CREB5: variants seen among roughly 807,000 people sequenced by gnomAD.
The protein encoded by CREB5 is cAMP responsive element binding protein 5.
In CREB5, 19 loss-of-function variants were observed where a neutral mutation model predicts 57.1. The ratio of observed to expected loss-of-function variants is 0.33; its 90% CI spans 0.23 to 0.49. The LOEUF is 0.49. Among genes scored for constraint, CREB5 ranks in the 20% least tolerant of loss-of-function variants. CREB5 has a pLI of 0.99. For synonymous variants in CREB5, 238 were observed against 238.3 expected (o/e 1.00, Z 0.01); for missense variants, 579 against 671.6 (o/e 0.86, Z 1.52).
intron 5 of CREB5, among the ~76,000 whole-genome samples, chr7:28,667,735 C>T (rs1181172079): frequency 6.6e-6 from 1 of 152,108 alleles, no homozygotes; most frequent in Non-Finnish European, 1.5e-5. Context: ...ATTTTTGAAG[C>T]CGAATCCAGC....
In CREB5 at chr7:28,822,157, A is replaced by C. The variant is rs1809807739; in HGVS notation, c.*2878A>C. 1 of 152,182 alleles carries C rather than the reference A, an allele frequency of 6.6e-6. No homozygotes were observed. The highest frequency in any genetic ancestry group is 2.1e-4 in the South Asian group (1 of 4,832). 9.4% of individuals were successfully genotyped at this position (152,182 alleles called of 1,614,324 possible). On this transcript the variant is annotated 3_prime_UTR_variant, in exon 11 of 11. Transcript: ENST00000357727. ...CATTAGCAAACCGGCCTCAACATAT[A>C]ATTAGAATAAACTGTCTTCTTGTTC...
At chr7:28,707,188 C>T (rs1802154122) in intron 5 of CREB5, among the ~76,000 whole-genome samples, 1 of 152,056 alleles carries the variant, frequency 6.6e-6, no homozygotes, top group African/African-American at 2.4e-5. Flanking sequence ...TGCTTCACCC[C>T]CAAATTTAGA....
intron 4 of CREB5, among the ~76,000 whole-genome samples, chr7:28,560,923 CGCGTGCGT>C (rs1293937384): frequency 5.0e-5 from 1 of 19,820 alleles, no homozygotes; most frequent in African/African-American, 1.8e-4. Context: ...TGCGTGTGTG[CGCGTGCGT>C]GTGTGCGTGC....
chr7:28,379,967 G>A (rs1233283703), intron 1 of CREB5, among the ~76,000 whole-genome samples: 4 of 152,174 alleles, frequency 2.6e-5, no homozygotes, highest in African/African-American at 9.7e-5. Context: ...ATAGCTCACT[G>A]CAGCCTCAAA....
chr7:28,813,023 C>T (rs1319381459), intron 9 of CREB5, among the ~76,000 whole-genome samples: 2 of 152,224 alleles, frequency 1.3e-5, no homozygotes, highest in Non-Finnish European at 1.5e-5. Flanking sequence ...TTCCTAGTCT[C>T]ACAACACATC....
chr7:28,481,336 G>A (rs1791323807), intron 1 of CREB5, among the ~76,000 whole-genome samples: 1 of 152,186 alleles, frequency 6.6e-6, no homozygotes, highest in East Asian at 1.9e-4. Flanking sequence ...AAATATCTTT[G>A]AAGAACAGGG....
rs1562798550 is a variant in CREB5 at position 28,561,013 on chromosome 7, T to TGCGC, written c.292-9351_292-9350insCGCG. On this transcript the variant is annotated intron_variant, in intron 4 of 10. Transcript: ENST00000357727. ...GTGTGTGCCTGCGTGTGCGTGTGTGTGTGCGTGTGTGCGTGTGTGTGTGTG... is the reference window on the plus strand; with the variant it reads ...GTGTGTGCCTGCGTGTGCGTGTGTGTGCGCGTGCGTGTGTGCGTGTGTGTGTGTG... 4.9e-4 allele frequency among the ~76,000 whole-genome samples: 20 copies of TGCGC among 40,568 alleles called. 1 individual carries two copies. The highest frequency in any genetic ancestry group is 2.2e-3 in the African/African-American group (17 of 7,752). 26.6% of individuals were successfully genotyped at this position (40,568 alleles called of 152,430 possible). A position where few individuals can be genotyped will look rare whatever the true frequency, so the allele number is the denominator to read the frequency against.
At chr7:28,811,537 G>A (rs1462695278) in intron 9 of CREB5, among the ~76,000 whole-genome samples, 1 of 152,022 alleles carries the variant, frequency 6.6e-6, no homozygotes, top group African/African-American at 2.4e-5. Context: ...GCCATGCCTG[G>A]CTAATTTTTT....
At chr7:28,365,150 G>A (rs562295614) in intron 1 of CREB5, among the ~76,000 whole-genome samples, 3 of 152,122 alleles carry the variant, frequency 2.0e-5, no homozygotes, top group African/African-American at 4.8e-5. Flanking sequence ...TCAAACATTC[G>A]TCTCTCTGGT....
chr7:28,567,263 G>A (rs1167013266), intron 4 of CREB5, among the ~76,000 whole-genome samples: 1 of 152,088 alleles, frequency 6.6e-6, no homozygotes, highest in Non-Finnish European at 1.5e-5. Context: ...TTTTTCCTCA[G>A]CCCATAACTG....
chr7:28,425,081 G>A (rs1317496775), intron 1 of CREB5, among the ~76,000 whole-genome samples: 3 of 151,996 alleles, frequency 2.0e-5, no homozygotes, highest in Admixed American at 6.6e-5. Context: ...AGATTGTTTT[G>A]TCACAGAAAA....
At chr7:28,423,960 C>G (rs1443209745) in intron 1 of CREB5, among the ~76,000 whole-genome samples, 1 of 152,158 alleles carries the variant, frequency 6.6e-6, no homozygotes, top group Admixed American at 6.5e-5. Context: ...GCTTAAACAA[C>G]AGACACTTAT....
chr7:28,488,076 G>C, intron 1 of CREB5, 99 bp from the exon 2 acceptor site: 1 of 1,010,162 alleles, frequency 9.9e-7, no homozygotes, highest in Non-Finnish European at 1.5e-6. Flanking sequence ...GGCATAGAAA[G>C]GGGGCTCTGA....
rs534329103 is a variant in CREB5 at position 28,662,734 on chromosome 7, C to CA, written c.465-56013dup. ...TCTCCCCAGGAAGGATAAGAAAGGG[C>CA]AAAAAAGCTTTTGGTAAATGAGTTA... On this transcript the variant is annotated intron_variant, in intron 5 of 10. Transcript: ENST00000357727. Among the ~76,000 whole-genome samples the CA allele has an allele frequency of 1.5e-3, 234 of 152,102 alleles. 2 individuals carry two copies. Among genetic ancestry groups the CA allele is most frequent in the South Asian group, 0.01 (49 of 4,820 alleles).
chr7:28,400,134 G>A (rs1787427185), intron 1 of CREB5, among the ~76,000 whole-genome samples: 1 of 152,144 alleles, frequency 6.6e-6, no homozygotes, highest in Admixed American at 6.5e-5. Flanking sequence ...TTAAGCAGGA[G>A]GGTGAAAGGA....
chr7:28,429,248 A>T (rs1788622863), intron 1 of CREB5, among the ~76,000 whole-genome samples: 1 of 151,946 alleles, frequency 6.6e-6, no homozygotes, highest in South Asian at 2.1e-4. Context: ...CTGGTCTCGA[A>T]CTCCTGACCT....
rs1554281548 is a variant in CREB5, at chr7:28,658,955, A to ATATATATATATATATATATATATATGTG, written c.465-59771_465-59770insGTATATATATATATATATATATATATGT. On this transcript the variant is annotated intron_variant, in intron 5 of 10. Coordinates refer to ENST00000357727, the MANE Select transcript of CREB5 (RefSeq NM_182898.4). ...CTAAATATTATATGTGTGTGTGTGT[A>ATATATATATATATATATATATATATGTG]TATATATATATATATATATATATAT... 8.3e-3 allele frequency among the ~76,000 whole-genome samples: 395 copies of ATATATATATATATATATATATATATGTG among 47,482 alleles called. 11 individuals carry two copies. The highest frequency in any genetic ancestry group is 0.03 in the East Asian group (75 of 2,460). The allele number at this position is 47,482 out of a possible 152,430, so 31.2% of individuals were successfully genotyped here.
At chr7:28,471,154 A>G (rs1234646240) in intron 1 of CREB5, among the ~76,000 whole-genome samples, 1 of 152,120 alleles carries the variant, frequency 6.6e-6, no homozygotes, top group Admixed American at 6.6e-5. Flanking sequence ...GTCCAGACCA[A>G]TGTCCTGGAG....
intron 4 of CREB5, among the ~76,000 whole-genome samples, chr7:28,560,476 C>A (rs188172513): frequency 7.0e-4 from 106 of 152,112 alleles, no homozygotes; most frequent in Middle Eastern, 6.8e-3. Context: ...TGAATTACAT[C>A]AATTAATTGG....
Sources: allele counts gnomAD v4.1 joint callset (sites outside exome capture counted in the v4.1 genomes callset), GRCh38; gene constraint gnomAD v4.1.1; transcripts MANE v1.5; gene names NCBI Gene and HGNC (gene_info 2026-07-23, HGNC 2026-07-21).